Variants in ERCC8 observed in about 807,000 individuals in gnomAD.
ERCC8 encodes DNA excision repair protein ERCC-8.
A neutral mutation model predicts 54.9 loss-of-function variants in ERCC8; 52 were observed. The observed-to-expected ratio is 0.95, with a 90% CI of 0.76 to 1.19. The LOEUF (loss-of-function observed/expected upper bound fraction) is 1.19. Among genes scored for constraint, ERCC8 ranks in the 50% most tolerant of loss-of-function variants. The probability of loss-of-function intolerance (pLI) is 0.00; values close to 1 mark genes in which losing one functional copy is unlikely to be tolerated. For synonymous variants in ERCC8, 146 were observed against 157.2 expected (o/e 0.93, Z 0.53); for missense variants, 514 against 466.1 (o/e 1.10, Z -0.95).
chr5:60,888,506 A>C (rs1748461154), intron 10 of ERCC8, among the ~76,000 whole-genome samples: 1 of 152,216 alleles, frequency 6.6e-6, no homozygotes, highest in Admixed American at 6.5e-5. Context: ...AATAAGTACT[A>C]ACACACCCAG....
chr5:60,939,740 C>G (rs1466119094), intron 1 of ERCC8, among the ~76,000 whole-genome samples: 1 of 152,184 alleles, frequency 6.6e-6, no homozygotes, highest in Non-Finnish European at 1.5e-5. Flanking sequence ...AAGTGATCCA[C>G]CTGCCTTGGC....
rs935769389 is a variant in ERCC8, at chr5:60,874,296, C to T, written c.*319G>A. On this transcript the variant is annotated 3_prime_UTR_variant, in exon 12 of 12. Transcript: ENST00000676185. ...CTGATGGCCTCCACTTGCTGATCCT[C>T]TGAGACTGCATCTTATAGTTCATAA... is the stretch of plus-strand genomic sequence containing the variant. The T allele has an allele frequency of 2.4e-5, 6 of 253,080 alleles. No individual in the cohort carries two copies. Among genetic ancestry groups the T allele is most frequent in the African/African-American group, 1.4e-4 (6 of 44,152 alleles). The allele number at this position is 253,080 out of a possible 1,614,324, so 15.7% of individuals were successfully genotyped here. A position where few individuals can be genotyped will look rare whatever the true frequency, so the allele number is the denominator to read the frequency against.
chr5:60,877,810 T>C (rs1748062158), intron 11 of ERCC8, among the ~76,000 whole-genome samples: 1 of 152,216 alleles, frequency 6.6e-6, no homozygotes, highest in African/African-American at 2.4e-5. Context: ...AGTCATGTCA[T>C]CTGCAAACAG....
intron 1 of ERCC8, among the ~76,000 whole-genome samples, chr5:60,933,340 A>C (rs368456106): frequency 1.4e-5 from 2 of 143,900 alleles, no homozygotes; most frequent in South Asian, 4.4e-4. Context: ...TGCCTCAGCC[A>C]CCTGAGTAGC....
chr5:60,940,389 T>C (rs938105561), intron 1 of ERCC8, among the ~76,000 whole-genome samples: 8 of 152,196 alleles, frequency 5.3e-5, no homozygotes, highest in African/African-American at 1.4e-4. Flanking sequence ...ACAATCCCTG[T>C]TGTTTATTGC....
chr5:60,935,956 G>A (rs1284725659), intron 1 of ERCC8, among the ~76,000 whole-genome samples: 2 of 152,090 alleles, frequency 1.3e-5, no homozygotes, highest in Non-Finnish European at 2.9e-5. Context: ...TTTGTTGGGG[G>A]TTTTTGCATC....
At chr5:60,914,273 C>G (rs1484530004) in intron 4 of ERCC8, among the ~76,000 whole-genome samples, 1 of 152,006 alleles carries the variant, frequency 6.6e-6, no homozygotes, top group Non-Finnish European at 1.5e-5. Context: ...TCTGGGTGCT[C>G]CTCTATTGGG....
In ERCC8 at chr5:60,870,482, TAAAAAAAAAAAAAAAA is replaced by T. The variant is rs57423118; in HGVS notation, c.*4117_*4132del. Among the ~76,000 whole-genome samples the T allele has an allele frequency of 1.0e-4, 5 of 48,806 alleles. No homozygotes were observed. Among genetic ancestry groups the T allele is most frequent in the Admixed American group, 8.3e-4 (3 of 3,606 alleles). The allele number at this position is 48,806 out of a possible 152,430, so 32.0% of individuals were successfully genotyped here. A position where few individuals can be genotyped will look rare whatever the true frequency, so the allele number is the denominator to read the frequency against. On this transcript the variant is annotated 3_prime_UTR_variant, in exon 12 of 12. Transcript: ENST00000676185. ...CAACATGGTGAAACCCCACCTCTGC[TAAAAAAAAAAAAAAAA>T]AAAAAAAAAAAAAATTAGCCAGGCG...
chr5:60,879,440 T>C (rs1748130255), intron 11 of ERCC8, among the ~76,000 whole-genome samples: 2 of 152,212 alleles, frequency 1.3e-5, no homozygotes, highest in East Asian at 1.9e-4. Context: ...CTTTCTGTCT[T>C]GTTGATCTGT....
intron 2 of ERCC8, among the ~76,000 whole-genome samples, chr5:60,923,863 C>T (rs1580031765): frequency 6.6e-6 from 1 of 152,078 alleles, no homozygotes; most frequent in East Asian, 1.9e-4. Flanking sequence ...AATGCAATCT[C>T]TCTACATCAT....
At chr5:60,929,658 A>C (rs1749852038) in intron 1 of ERCC8, among the ~76,000 whole-genome samples, 1 of 152,184 alleles carries the variant, frequency 6.6e-6, no homozygotes, top group African/African-American at 2.4e-5. Context: ...ATCAATACAA[A>C]TAATTAACAA....
At chr5:60,928,311 C>T (rs752883762) in intron 2 of ERCC8, among the ~76,000 whole-genome samples, 20 of 152,120 alleles carry the variant, frequency 1.3e-4, no homozygotes, top group Non-Finnish European at 2.4e-4. Context: ...CTGTTTATGA[C>T]GTGCCAGGTC....
In ERCC8 at chr5:60,874,618, T is replaced by A; in HGVS notation, c.1188A>T (p.Gly396=). ...EDAWSSSDEE[G] Reference sequence around the variant, plus strand: ...AAAAAGGTACTAAAGATGATATTCATCCTTCTTCATCACTGCTGCTCCAGG... The same window carrying A: ...AAAAAGGTACTAAAGATGATATTCAACCTTCTTCATCACTGCTGCTCCAGG... Residue 396 remains glycine (G), a synonymous_variant, in exon 12 of 12, where the codon GGA becomes GGT. Coordinates refer to ENST00000676185, the MANE Select transcript of ERCC8 (RefSeq NM_000082.4). The A allele has an allele frequency of 6.2e-7, 1 of 1,613,350 alleles. No homozygotes were observed. Among genetic ancestry groups the A allele is most frequent in the Non-Finnish European group, 8.5e-7 (1 of 1,179,598 alleles).
At chr5:60,896,017 G>A (rs895574071) in intron 9 of ERCC8, among the ~76,000 whole-genome samples, 5 of 151,234 alleles carry the variant, frequency 3.3e-5, no homozygotes, top group East Asian at 1.9e-4. Flanking sequence ...CGGAGTTTTC[G>A]CTCTTATTGC....
chr5:60,936,590 AG>A (rs1328189300), intron 1 of ERCC8, among the ~76,000 whole-genome samples: 1 of 151,660 alleles, frequency 6.6e-6, no homozygotes, highest in East Asian at 1.9e-4. Flanking sequence ...CTGTTTCTCC[AG>A]TTCCTTGAGG....
chr5:60,940,676 A>T (rs1750231881), intron 1 of ERCC8, among the ~76,000 whole-genome samples: 1 of 152,234 alleles, frequency 6.6e-6, no homozygotes, highest in African/African-American at 2.4e-5. Context: ...CACTCAGGTC[A>T]CAGTCTGACC....
Position 60,891,047 on chromosome 5 carries a change from A to G in ERCC8, c.883T>C (p.Leu295=), listed in dbSNP as rs751639405. ...CAGCCACAGGAGACAGTGAATTTCAATCCTTTTTTACTGTTATTACAAACT... is the reference window on the plus strand; with the variant it reads ...CAGCCACAGGAGACAGTGAATTTCAGTCCTTTTTTACTGTTATTACAAACT... ...GKVCNNSKKG[L]KFTVSCGCSS... is the part of the protein sequence containing the mutation. The change falls in exon 10 of 12, where the codon TTG becomes CTG. Residue 295 remains leucine, a synonymous_variant. Transcript: ENST00000676185. The G allele has an allele frequency of 1.2e-6, 2 of 1,612,838 alleles. No homozygotes were observed. Among genetic ancestry groups the G allele is most frequent in the African/African-American group, 2.7e-5 (2 of 74,910 alleles).
rs60064294 is a variant in ERCC8 at position 60,909,243 on chromosome 5, G to GAAAAAAAAAAAAAAAAAAAAA, written c.400-4391_400-4371dup. On this transcript the variant is annotated intron_variant, in intron 4 of 11. Coordinates refer to ENST00000676185, the MANE Select transcript of ERCC8 (RefSeq NM_000082.4). ...AATGCAGACAAAAATGCCCTATTCT[G>GAAAAAAAAAAAAAAAAAAAAA]AAAAAAAAAAAAAAAAAAAAAAAAA... Among the ~76,000 whole-genome samples the GAAAAAAAAAAAAAAAAAAAAA allele has an allele frequency of 3.0e-4, 6 of 19,932 alleles. 1 individual carries two copies. Among genetic ancestry groups the GAAAAAAAAAAAAAAAAAAAAA allele is most frequent in the African/African-American group, 6.9e-4 (4 of 5,834 alleles). The allele number at this position is 19,932 out of a possible 152,430, so 13.1% of individuals were successfully genotyped here.
At chr5:60,897,877 C>T (rs1748763869) in intron 9 of ERCC8, among the ~76,000 whole-genome samples, 1 of 152,192 alleles carries the variant, frequency 6.6e-6, no homozygotes, top group East Asian at 1.9e-4. Context: ...GTGTGTCATG[C>T]TAGCACTCAA....
Sources: allele counts gnomAD v4.1 joint callset (sites outside exome capture counted in the v4.1 genomes callset), GRCh38; gene constraint gnomAD v4.1.1; transcripts MANE v1.5; gene names NCBI Gene and HGNC (gene_info 2026-07-23, HGNC 2026-07-21).